PDE3B: variants seen among roughly 807,000 people sequenced by gnomAD.
PDE3B encodes the protein cGMP-inhibited 3',5'-cyclic phosphodiesterase 3B.
In PDE3B, 66 loss-of-function variants were observed where a neutral mutation model predicts 116.8. The ratio of observed to expected loss-of-function variants is 0.56; its 90% CI spans 0.46 to 0.69. PDE3B has a LOEUF of 0.69. Ranked by LOEUF, PDE3B falls within the 30% of genes least tolerant of loss-of-function variation. PDE3B has a pLI of 0.00. For missense variants in PDE3B, 1,384 were observed against 1,368.1 expected, an observed-to-expected ratio of 1.01 and a Z score of -0.18; for synonymous variants, 595 against 533.6, an observed-to-expected ratio of 1.12 and a Z score of -1.59.
intron 3 of PDE3B, 43 bp downstream of exon 3, chr11:14,786,728 T>C (rs755573025): frequency 6.7e-7 from 1 of 1,489,634 alleles, no homozygotes; most frequent in Admixed American, 1.8e-5. Context: ...TCAAATTTAA[T>C]GATATTTTCA....
At chr11:14,705,320 A>G (rs1855496482) in intron 1 of PDE3B, among the ~76,000 whole-genome samples, 1 of 151,886 alleles carries the variant, frequency 6.6e-6, no homozygotes, top group Non-Finnish European at 1.5e-5. Flanking sequence ...AAGGGAATGA[A>G]CTATGAACAC....
intron 12 of PDE3B, 49 bp from the exon 13 acceptor site, chr11:14,858,988 ATTAAAC>A: frequency 8.0e-7 from 1 of 1,245,064 alleles, no homozygotes; most frequent in East Asian, 2.3e-5. Context: ...TATTAAAGAT[ATTAAAC>A]TTTAATATCT....
chr11:14,744,788 A>G lies in PDE3B; in HGVS notation c.979-27149A>G, dbSNP rs553874830. On this transcript the variant is annotated intron_variant, in intron 1 of 15. Coordinates refer to ENST00000282096, the MANE Select transcript of PDE3B (RefSeq NM_000922.4). The stretch of plus-strand genomic sequence containing the variant: ...AACTCAACTCTAGGAGAAAATTATT[A>G]TGAGAACTTTTGCATTAGGGACATG... Among the ~76,000 whole-genome samples the G allele has an allele frequency of 2.6e-5, 4 of 152,348 alleles. No homozygotes were observed. In the South Asian group the frequency reaches 8.3e-4, roughly 32 times the overall value.
chr11:14,830,729 A>G lies in PDE3B; in HGVS notation c.1839A>G (p.Ser613=), dbSNP rs1015863707. 1 of 1,485,822 alleles carries G rather than the reference A, an allele frequency of 6.7e-7. No homozygotes were observed. The highest frequency in any genetic ancestry group is 9.0e-7 in the Non-Finnish European group (1 of 1,117,178). The allele number at this position is 1,485,822 out of a possible 1,614,324, so 92.0% of individuals were successfully genotyped here. A position where few individuals can be genotyped will look rare whatever the true frequency, so the allele number is the denominator to read the frequency against. Residue 613 remains serine (S), a synonymous_variant, in exon 8 of 16, where the codon TCA becomes TCG. Transcript: ENST00000282096. ...AAGAAAACATTTTCTCGAAAGAATC[A>G]TTCAAACTTATGGAAACTCAACAAG... ...GEEENIFSKE[S]FKLMETQQEE...
chr11:14,815,447 G>T (rs112251690), intron 5 of PDE3B, among the ~76,000 whole-genome samples: 25 of 152,082 alleles, frequency 1.6e-4, no homozygotes, highest in African/African-American at 6.0e-4. Context: ...CTTCATTTCC[G>T]TTGGTTGTGG....
At chr11:14,674,156 G>A (rs970768258) in intron 1 of PDE3B, 10 of 1,356,478 alleles carry the variant, frequency 7.4e-6, no homozygotes, top group Admixed American at 3.4e-5. Context: ...CTTTTCTTCC[G>A]AGGAGGCCAA....
chr11:14,678,280 T>C (rs1239522625), intron 1 of PDE3B, among the ~76,000 whole-genome samples: 2 of 152,172 alleles, frequency 1.3e-5, no homozygotes, highest in Non-Finnish European at 2.9e-5. Flanking sequence ...TTGTGTTGAT[T>C]AGGAATAGAA....
chr11:14,762,897 T>C (rs1253821933), intron 1 of PDE3B, among the ~76,000 whole-genome samples: 2 of 152,128 alleles, frequency 1.3e-5, no homozygotes, highest in Non-Finnish European at 2.9e-5. Flanking sequence ...GGGAAGACTA[T>C]GGGGAGGAAG....
chr11:14,714,713 G>A (rs7109368), intron 1 of PDE3B, among the ~76,000 whole-genome samples: 21,459 of 152,108 alleles, frequency 0.14, 2,219 homozygotes, highest in African/African-American at 0.3. Flanking sequence ...GTATCCACCA[G>A]CCACACATAG....
intron 5 of PDE3B, among the ~76,000 whole-genome samples, chr11:14,817,555 G>C (rs1324165790): frequency 6.6e-6 from 1 of 152,148 alleles, no homozygotes; most frequent in East Asian, 1.9e-4. Context: ...TTTGAGACCA[G>C]CCTGGGCAAC....
In PDE3B at chr11:14,646,979, C is replaced by G. The variant is rs1006626070; in HGVS notation, c.978+1926C>G. ...TATACATGCCTACCTAATATTCTGT[C>G]TACAAAATAATTCTATTTTGACATT... On this transcript the variant is annotated intron_variant, in intron 1 of 15. Transcript: ENST00000282096. Among the ~76,000 whole-genome samples, 6 of 152,006 alleles carry G rather than the reference C, an allele frequency of 3.9e-5. No homozygotes were observed. The South Asian group carries it at 8.3e-4, about 21-fold the overall frequency.
intron 4 of PDE3B, among the ~76,000 whole-genome samples, chr11:14,799,477 T>G (rs2133929820): frequency 6.6e-6 from 1 of 152,324 alleles, no homozygotes; most frequent in Middle Eastern, 3.4e-3. Flanking sequence ...GTTCAAGTCC[T>G]GAATATCCTT....
intron 1 of PDE3B, among the ~76,000 whole-genome samples, chr11:14,678,407 G>T (rs1351846059): frequency 6.6e-6 from 1 of 152,170 alleles, no homozygotes; most frequent in Admixed American, 6.5e-5. Context: ...AACTTTATAA[G>T]AAATTGCCAC....
chr11:14,791,226 A>G (rs1432161588), intron 4 of PDE3B, among the ~76,000 whole-genome samples: 11 of 152,090 alleles, frequency 7.2e-5, no homozygotes, highest in African/African-American at 1.9e-4. Flanking sequence ...CTCTGAAATC[A>G]TCTTGACTTT....
At chr11:14,884,342 T>C in the PDE3B span, among the ~76,000 whole-genome samples, 1 of 152,026 alleles carries the variant, frequency 6.6e-6, no homozygotes, top group Non-Finnish European at 1.5e-5. Flanking sequence ...CATGGAATAC[T>C]ATGCAGCCAT....
At chr11:14,742,566 C>G (rs899140415) in intron 1 of PDE3B, among the ~76,000 whole-genome samples, 18 of 152,108 alleles carry the variant, frequency 1.2e-4, no homozygotes, top group Admixed American at 4.6e-4. Context: ...TTATTACCCA[C>G]CTTCTGAAGC....
chr11:14,810,939 T>C (rs1422288077), intron 5 of PDE3B, among the ~76,000 whole-genome samples: 3 of 149,832 alleles, frequency 2.0e-5, no homozygotes, highest in African/African-American at 7.3e-5. Flanking sequence ...CATTTTTTCA[T>C]GTGTTTTTTG....
At chr11:14,881,763 G>A in the PDE3B span, among the ~76,000 whole-genome samples, 1 of 152,084 alleles carries the variant, frequency 6.6e-6, no homozygotes, top group Admixed American at 6.6e-5. Flanking sequence ...CTTCTGCCAT[G>A]ATTGTGAGCT....
In PDE3B at chr11:14,645,251, A is replaced by G. The variant is rs185048331; in HGVS notation, c.978+198A>G. On this transcript the variant is annotated intron_variant, in intron 1 of 15. Transcript: ENST00000282096. ...AATACAGGAAGCCTTTTAAAAATGC[A>G]GAAGCAAGTAGCTTTTGTCATTGAA... Among the ~76,000 whole-genome samples, 252 of 151,846 alleles carry G rather than the reference A, an allele frequency of 1.7e-3. 1 individual carries two copies. Among genetic ancestry groups the G allele is most frequent in the African/African-American group, 5.6e-3 (232 of 41,328 alleles).
Sources: gnomAD v4.1 joint callset for allele counts (sites outside exome capture counted in the v4.1 genomes callset) on GRCh38, gnomAD v4.1.1 for gene constraint, MANE v1.5 for transcripts, NCBI Gene and HGNC (gene_info 2026-07-23, HGNC 2026-07-21) for gene names.